The following GAS7 variants were observed in gnomAD, a reference collection of about 807,000 sequenced individuals.
GAS7 encodes growth arrest-specific protein 7.
GAS7 carries 28 observed loss-of-function variants against 71.1 expected under a neutral mutation model. The observed-to-expected ratio is 0.39, with a 90% CI of 0.29 to 0.54. The LOEUF is 0.54. GAS7 is among the 20% of genes least tolerant of loss of function. GAS7 has a pLI of 0.62. For synonymous variants in GAS7, 258 were observed against 245.8 expected (o/e 1.05, Z -0.46); for missense variants, 436 against 627.8 (o/e 0.69, Z 3.27).
At chr17:10,070,649 C>T (rs1296919045) in intron 1 of GAS7, among the ~76,000 whole-genome samples, 2 of 152,236 alleles carry the variant, frequency 1.3e-5, no homozygotes, top group East Asian at 3.9e-4. Flanking sequence ...CAGGCGTGAG[C>T]CACTGTGCCC....
chr17:9,961,306 G>A (rs72807351), intron 4 of GAS7, among the ~76,000 whole-genome samples: 4,932 of 152,254 alleles, frequency 0.032, 171 homozygotes, highest in Middle Eastern at 0.058. Context: ...AAAGGCAGAC[G>A]GAGGCTACAT....
At chr17:10,025,596 AAGC>A (rs1332590588) in intron 1 of GAS7, among the ~76,000 whole-genome samples, 2 of 151,934 alleles carry the variant, frequency 1.3e-5, no homozygotes, top group Non-Finnish European at 2.9e-5. Context: ...AAAAAAAAAA[AAGC>A]AGGCAAGCAA....
At chr17:10,174,971 G>A (rs917734660) in intron 1 of GAS7, among the ~76,000 whole-genome samples, 8 of 151,938 alleles carry the variant, frequency 5.3e-5, no homozygotes, top group Non-Finnish European at 7.4e-5. Context: ...TTAGACTTCC[G>A]AGTAGCTGGG....
chr17:10,083,292 T>A (rs930521846), intron 1 of GAS7, among the ~76,000 whole-genome samples: 1 of 152,198 alleles, frequency 6.6e-6, no homozygotes, highest in African/African-American at 2.4e-5. Flanking sequence ...CTTGGGAGGC[T>A]GAGATGGGTG....
chr17:9,940,279 A>G, intron 7 of GAS7, 79 bp from the exon 8 acceptor site: 1 of 1,015,298 alleles, frequency 9.8e-7, no homozygotes, highest in East Asian at 2.4e-5. Context: ...TGCACACCTC[A>G]GCCGTGGAAA....
At chr17:10,012,832 G>A (rs1197162558) in intron 2 of GAS7, among the ~76,000 whole-genome samples, 4 of 151,998 alleles carry the variant, frequency 2.6e-5, no homozygotes, top group African/African-American at 9.7e-5. Context: ...GCAGGGCGCG[G>A]TGGCTCACGC....
At chr17:10,168,709 A>G (rs2074313024) in intron 1 of GAS7, among the ~76,000 whole-genome samples, 1 of 152,250 alleles carries the variant, frequency 6.6e-6, no homozygotes, top group Non-Finnish European at 1.5e-5. Flanking sequence ...ACGGTGGCTC[A>G]TGCCTGTAAT....
At chr17:10,187,111 A>C (rs989581036) in intron 1 of GAS7, among the ~76,000 whole-genome samples, 6 of 152,132 alleles carry the variant, frequency 3.9e-5, no homozygotes, top group Admixed American at 3.3e-4. Flanking sequence ...ACTGTCTTAA[A>C]GTTAGGTGTG....
At chr17:9,951,123 T>C (rs1293600173) in intron 5 of GAS7, among the ~76,000 whole-genome samples, 8 of 152,234 alleles carry the variant, frequency 5.3e-5, no homozygotes, top group South Asian at 2.1e-4. Flanking sequence ...CAGGCAATCA[T>C]GAAAACAAGG....
intron 5 of GAS7, among the ~76,000 whole-genome samples, chr17:9,950,441 G>A (rs1158724674): frequency 6.6e-6 from 1 of 152,152 alleles, no homozygotes; most frequent in Admixed American, 6.5e-5. Context: ...GAGCCTGGGA[G>A]GTTGAGGCTG....
chr17:9,934,173 G>A lies in GAS7; in HGVS notation c.878C>T (p.Ser293Phe), dbSNP rs750394474. ...GCTGCAGGGAGGGGTTACCTTGGCA[G>A]AGAACTTGAGGTGAACTTCTGCTTC... Reference protein sequence around the residue: ...ADEAEVHLKFSAKLHSEVEKP... With the variant: ...ADEAEVHLKFFAKLHSEVEKP... The change falls in exon 9 of 14, where the codon TCT becomes TTT. Residue 293 changes from serine (S) to phenylalanine (F), a missense_variant. Ser to Phe is a radical substitution (Grantham distance 155). Transcript: ENST00000432992. 6.2e-7 allele frequency: 1 copy of A among 1,608,768 alleles called. No individual in the cohort carries two copies. The highest frequency in any genetic ancestry group is 8.5e-7 in the Non-Finnish European group (1 of 1,175,432).
In GAS7 at chr17:10,020,961, G is replaced by A. The variant is rs186631929; in HGVS notation, c.184-1064C>T. On this transcript the variant is annotated intron_variant, in intron 1 of 13. Coordinates refer to ENST00000432992, the MANE Select transcript of GAS7 (RefSeq NM_201433.2). ...AAACAAACAAACAAAAAACAGCCAC[G>A]ATCCCTGGGTGCTGGGATTACAGGC... 1.1e-4 allele frequency among the ~76,000 whole-genome samples: 16 copies of A among 152,080 alleles called. No homozygotes were observed. The East Asian group carries it at 3.1e-3, about 29-fold the overall frequency.
intron 1 of GAS7, among the ~76,000 whole-genome samples, chr17:10,064,209 C>T (rs368754917): frequency 1.3e-5 from 2 of 152,316 alleles, no homozygotes; most frequent in African/African-American, 2.4e-5. Context: ...CTCCACGACA[C>T]GCAGGGACTG....
chr17:9,966,336 C>T (rs540286915), intron 4 of GAS7, among the ~76,000 whole-genome samples: 3 of 152,164 alleles, frequency 2.0e-5, no homozygotes, highest in African/African-American at 7.2e-5. Flanking sequence ...TCAGCTTGCT[C>T]AAGGAGGGGC....
chr17:10,091,895 G>A (rs1213228502), intron 1 of GAS7, among the ~76,000 whole-genome samples: 1 of 151,876 alleles, frequency 6.6e-6, no homozygotes, highest in Non-Finnish European at 1.5e-5. Flanking sequence ...TGTTTGCCCA[G>A]GCTGGTCTCA....
chr17:10,105,076 A>G (rs1484563541), intron 1 of GAS7, among the ~76,000 whole-genome samples: 2 of 152,166 alleles, frequency 1.3e-5, no homozygotes, highest in Non-Finnish European at 2.9e-5. Context: ...CTGACCTTCT[A>G]GCTCTGTGCT....
rs151267639 is a variant in GAS7, at chr17:10,056,920, C to T, written c.184-37023G>A. On this transcript the variant is annotated intron_variant, in intron 1 of 13. Transcript: ENST00000432992. ...TTCTCCTGCCTCAGCCTGCCAAGTG[C>T]CTGGGATTGCAGGCGCGCGCCACCA... Among the ~76,000 whole-genome samples, 1,416 of 152,164 alleles carry T rather than the reference C, an allele frequency of 9.3e-3. 9 individuals are homozygous for T. Among genetic ancestry groups the T allele is most frequent in the Middle Eastern group, 0.024 (7 of 294 alleles).
At chr17:10,035,978 G>C (rs890956732) in intron 1 of GAS7, among the ~76,000 whole-genome samples, 3 of 152,136 alleles carry the variant, frequency 2.0e-5, no homozygotes, top group Non-Finnish European at 4.4e-5. Flanking sequence ...ACTGGGCCGT[G>C]GGGTAAAAGC....
intron 1 of GAS7, among the ~76,000 whole-genome samples, chr17:10,022,455 G>C (rs1234371891): frequency 6.6e-6 from 1 of 152,184 alleles, no homozygotes. Flanking sequence ...GACATGGTCA[G>C]AAAAGGGGTG....
Sources: allele counts gnomAD v4.1 joint callset (sites outside exome capture counted in the v4.1 genomes callset), GRCh38; gene constraint gnomAD v4.1.1; transcripts MANE v1.5; gene names NCBI Gene and HGNC (gene_info 2026-07-23, HGNC 2026-07-21).